The following GABRA3 variants were observed in gnomAD, a reference collection of about 807,000 sequenced individuals.
GABRA3 encodes gamma-aminobutyric acid type A receptor subunit alpha3.
GABRA3 carries 10 observed loss-of-function variants against 30.1 expected under a neutral mutation model. The observed-to-expected ratio is 0.33, with a 90% confidence interval of 0.20 to 0.56. GABRA3 has a LOEUF of 0.56. GABRA3 is among the 20% of genes least tolerant of loss of function. GABRA3 has a pLI of 0.89. For missense variants in GABRA3, 233 were observed against 392.0 expected, an observed-to-expected ratio of 0.59 and a Z score of 3.42; for synonymous variants, 151 against 146.8, an observed-to-expected ratio of 1.03 and a Z score of -0.21.
chrX:152,318,167 T>G (rs1395234156), intron 3 of GABRA3, among the ~76,000 whole-genome samples: 1 of 111,242 alleles, frequency 9.0e-6, no homozygotes, highest in East Asian at 2.8e-4. Context: ...CAAAAGATCA[T>G]TTAAAGCTAG....
intron 7 of GABRA3, among the ~76,000 whole-genome samples, chrX:152,198,572 C>T (rs767375740): frequency 1.5e-4 from 17 of 112,114 alleles, no homozygotes; most frequent in Non-Finnish European, 2.1e-4. Context: ...GCATTTTATG[C>T]AGTTGATCCT....
intron 1 of GABRA3, among the ~76,000 whole-genome samples, chrX:152,370,274 T>C (rs770843836): frequency 8.7e-4 from 97 of 111,814 alleles, no homozygotes; most frequent in African/African-American, 3.1e-3. Context: ...GATACTGACA[T>C]TATGCTTACA....
intron 1 of GABRA3, among the ~76,000 whole-genome samples, chrX:152,391,345 T>C (rs1046220371): frequency 6.3e-5 from 7 of 111,533 alleles, no homozygotes; most frequent in Non-Finnish European, 9.4e-5. Context: ...CAGTCTACCA[T>C]GGAGAATGAG....
At chrX:152,426,481 T>A (rs1930517183) in intron 1 of GABRA3, among the ~76,000 whole-genome samples, 1 of 111,495 alleles carries the variant, frequency 9.0e-6, no homozygotes. Context: ...CTTGCAAGAG[T>A]TAGTTGCAAG....
chrX:152,290,028 T>A (rs1939375455), intron 3 of GABRA3, among the ~76,000 whole-genome samples: 1 of 112,246 alleles, frequency 8.9e-6, no homozygotes, highest in Admixed American at 9.4e-5. Context: ...TGTGGGTATA[T>A]ACCCAGTAAT....
At chrX:152,348,365 T>C (rs1277937992) in intron 2 of GABRA3, among the ~76,000 whole-genome samples, 1 of 111,822 alleles carries the variant, frequency 8.9e-6, no homozygotes, top group African/African-American at 3.2e-5. Context: ...GTTTATCAAC[T>C]TAATGAGAGC....
At chrX:152,193,856 G>A (rs1481163678) in intron 8 of GABRA3, among the ~76,000 whole-genome samples, 1 of 110,815 alleles carries the variant, frequency 9.0e-6, no homozygotes, top group Non-Finnish European at 1.9e-5. Flanking sequence ...AATTAACTAG[G>A]CATGGTGGCA....
chrX:152,194,214 G>GATGTCTCC (rs1414684579), intron 8 of GABRA3, among the ~76,000 whole-genome samples: 1 of 111,159 alleles, frequency 9.0e-6, no homozygotes, highest in Admixed American at 9.6e-5. Flanking sequence ...TATTTAAAGT[G>GATGTCTCC]ATGTCTCCAT....
chrX:152,364,471 G>C lies in GABRA3; in HGVS notation c.100C>G (p.Arg34Gly), dbSNP rs777972856. 2 of 1,209,340 alleles carry C rather than the reference G, an allele frequency of 1.7e-6. No homozygotes were observed. The highest frequency in any genetic ancestry group is 3.5e-5 in the South Asian group (2 of 56,756). The change falls in exon 2 of 10, where the codon CGA (arginine) becomes GGA (glycine). Residue 34 changes from arginine to glycine, a missense_variant. Arg to Gly is a moderately radical substitution (Grantham distance 125). Coordinates refer to ENST00000370314, the MANE Select transcript of GABRA3 (RefSeq NM_000808.4). ...PGTTGQGESR[R>G]QEPGDFVKQD... ...TTCACAAAGTCCCCGGGTTCTTGTC[G>C]TCTTGATTCCCCTTGACCAGTGGTT...
At chrX:152,280,456 C>G (rs1939179120) in intron 4 of GABRA3, among the ~76,000 whole-genome samples, 1 of 111,331 alleles carries the variant, frequency 9.0e-6, no homozygotes, top group Non-Finnish European at 1.9e-5. Context: ...ACAATAATTT[C>G]AATTCTACTG....
chrX:152,428,433 A>G (rs1930565668), intron 1 of GABRA3, among the ~76,000 whole-genome samples: 1 of 112,565 alleles, frequency 8.9e-6, no homozygotes, highest in Non-Finnish European at 1.9e-5. Flanking sequence ...CCCAGGGTAC[A>G]GGAGCTATAA....
intron 3 of GABRA3, among the ~76,000 whole-genome samples, chrX:152,343,687 C>T (rs1054214166): frequency 2.7e-5 from 3 of 111,693 alleles, no homozygotes; most frequent in African/African-American, 9.7e-5. Flanking sequence ...TACCGCTCTA[C>T]TCTAATCCAT....
intron 1 of GABRA3, among the ~76,000 whole-genome samples, chrX:152,400,941 A>T (rs1360388678): frequency 1.8e-5 from 2 of 111,722 alleles, no homozygotes; most frequent in Non-Finnish European, 3.8e-5. Context: ...CAAGGACCTC[A>T]GTTTAACAAC....
At chrX:152,385,188 T>C (rs765663461) in intron 1 of GABRA3, among the ~76,000 whole-genome samples, 22 of 111,755 alleles carry the variant, frequency 2.0e-4, no homozygotes, top group Non-Finnish European at 4.1e-4. Context: ...ACAAACTCTT[T>C]GGAGAAAAGT....
At chrX:152,448,064 A>G (rs1414013425) in intron 1 of GABRA3, among the ~76,000 whole-genome samples, 1 of 112,517 alleles carries the variant, frequency 8.9e-6, no homozygotes, top group Non-Finnish European at 1.9e-5. Context: ...TTCATGGTTA[A>G]TTTATTTTAC....
intron 1 of GABRA3, among the ~76,000 whole-genome samples, chrX:152,384,695 A>G (rs1377936792): frequency 8.9e-6 from 1 of 112,427 alleles, no homozygotes; most frequent in Non-Finnish European, 1.9e-5. Flanking sequence ...ACAGAGTAAG[A>G]GAATATTACT....
At chrX:152,347,067 A>G (rs776400109) in intron 2 of GABRA3, among the ~76,000 whole-genome samples, 1 of 112,280 alleles carries the variant, frequency 8.9e-6, no homozygotes, top group South Asian at 3.7e-4. Flanking sequence ...ACTGTTCACA[A>G]TCGGTAAGAT....
At chrX:152,179,091 T>G (rs1937111279) in intron 9 of GABRA3, among the ~76,000 whole-genome samples, 1 of 111,990 alleles carries the variant, frequency 8.9e-6, no homozygotes, top group Non-Finnish European at 1.9e-5. Flanking sequence ...ACTGGACTGG[T>G]TCCTTTGCAA....
intron 3 of GABRA3, among the ~76,000 whole-genome samples, chrX:152,323,220 A>G (rs1413956671): frequency 3.6e-5 from 4 of 111,407 alleles, no homozygotes; most frequent in Admixed American, 2.9e-4. Flanking sequence ...AATTCTTTGG[A>G]GTGGGATATC....
Sources: allele counts gnomAD v4.1 joint callset (sites outside exome capture counted in the v4.1 genomes callset), GRCh38; gene constraint gnomAD v4.1.1; transcripts MANE v1.5; gene names NCBI Gene and HGNC (gene_info 2026-07-23, HGNC 2026-07-21).